Variants in GLRA3 observed in about 807,000 individuals in gnomAD.
GLRA3 encodes glycine receptor alpha 3.
A neutral mutation model predicts 60.4 loss-of-function variants in GLRA3; 44 were observed. The observed-to-expected ratio is 0.73, with a 90% CI of 0.57 to 0.94. The LOEUF is 0.94. Ranked by LOEUF, GLRA3 falls within the 40% of genes least tolerant of loss-of-function variation. GLRA3 has a pLI of 0.00. For missense variants in GLRA3, 508 were observed against 564.6 expected (o/e 0.90, Z 1.02); for synonymous variants, 223 against 192.9 (o/e 1.16, Z -1.29).
At chr4:174,687,319 A>C (rs748037872) in intron 5 of GLRA3, among the ~76,000 whole-genome samples, 5 of 152,178 alleles carry the variant, frequency 3.3e-5, no homozygotes, top group Non-Finnish European at 7.3e-5. Flanking sequence ...ACAATTATTA[A>C]TTTTAGTAAA....
intron 9 of GLRA3, among the ~76,000 whole-genome samples, chr4:174,655,809 G>A (rs886933331): frequency 4.6e-5 from 7 of 151,994 alleles, no homozygotes; most frequent in Non-Finnish European, 8.8e-5. Context: ...AAGGACAATC[G>A]CTGAGTGATT....
At chr4:174,700,823 A>C (rs1400280201) in intron 5 of GLRA3, among the ~76,000 whole-genome samples, 1 of 152,192 alleles carries the variant, frequency 6.6e-6, no homozygotes, top group Non-Finnish European at 1.5e-5. Context: ...CCTAAACCAA[A>C]TCTACAGCAA....
intron 3 of GLRA3, among the ~76,000 whole-genome samples, chr4:174,737,299 C>T (rs963805770): frequency 5.9e-5 from 9 of 152,138 alleles, no homozygotes. Context: ...TAAAGGTTCA[C>T]ACTTCCCTTC....
At chr4:174,714,567 G>A (rs1023519853) in intron 5 of GLRA3, among the ~76,000 whole-genome samples, 3 of 152,024 alleles carry the variant, frequency 2.0e-5, no homozygotes, top group Admixed American at 6.6e-5. Context: ...GTATAGTCAC[G>A]TTGCCCCACA....
At chr4:174,654,498 AT>A (rs1272956947) in intron 9 of GLRA3, among the ~76,000 whole-genome samples, 2 of 152,152 alleles carry the variant, frequency 1.3e-5, no homozygotes, top group Admixed American at 6.6e-5. Flanking sequence ...ATCCATTCCT[AT>A]TTCATTTGCA....
At chr4:174,724,072 A>G (rs1490830594) in intron 4 of GLRA3, among the ~76,000 whole-genome samples, 1 of 150,002 alleles carries the variant, frequency 6.7e-6, no homozygotes, top group Admixed American at 6.7e-5. Flanking sequence ...GTATATATAT[A>G]TGTATATATA....
intron 1 of GLRA3, among the ~76,000 whole-genome samples, chr4:174,790,373 T>C (rs988237916): frequency 6.7e-6 from 1 of 150,006 alleles, no homozygotes; most frequent in African/African-American, 2.5e-5. Context: ...ATCATTATAA[T>C]AATAAATATA....
At chr4:174,803,496 G>A (rs1477502780) in intron 1 of GLRA3, among the ~76,000 whole-genome samples, 1 of 152,134 alleles carries the variant, frequency 6.6e-6, no homozygotes, top group Non-Finnish European at 1.5e-5. Flanking sequence ...CAGATGGCTA[G>A]CCAGGAAGCT....
At chr4:174,782,708 C>G (rs1479913230) in intron 2 of GLRA3, among the ~76,000 whole-genome samples, 1 of 152,140 alleles carries the variant, frequency 6.6e-6, no homozygotes, top group Non-Finnish European at 1.5e-5. Context: ...TGAGTGAAAT[C>G]CCATTCACAA....
At chr4:174,739,102 T>C (rs1736910308) in intron 3 of GLRA3, among the ~76,000 whole-genome samples, 1 of 152,192 alleles carries the variant, frequency 6.6e-6, no homozygotes, top group South Asian at 2.1e-4. Flanking sequence ...TTTGGGATAG[T>C]TTGCTATGCA....
chr4:174,747,514 C>T (rs1053500885), intron 3 of GLRA3, among the ~76,000 whole-genome samples: 7 of 152,096 alleles, frequency 4.6e-5, no homozygotes, highest in African/African-American at 1.4e-4. Flanking sequence ...TTAGAAAGAT[C>T]CAGGGTAGTG....
intron 5 of GLRA3, among the ~76,000 whole-genome samples, chr4:174,706,916 G>C (rs749638606): frequency 2.0e-5 from 3 of 152,170 alleles, no homozygotes; most frequent in Admixed American, 6.5e-5. Flanking sequence ...TGAACAGGTA[G>C]AGCAGGAAGC....
chr4:174,787,752 GA>G (rs1288466367), intron 2 of GLRA3, among the ~76,000 whole-genome samples: 3 of 151,988 alleles, frequency 2.0e-5, no homozygotes, highest in Non-Finnish European at 4.4e-5. Flanking sequence ...TCCTGAAGTT[GA>G]AAATATTTAT....
At chr4:174,721,177 C>T (rs1015589837) in intron 4 of GLRA3, among the ~76,000 whole-genome samples, 12 of 151,880 alleles carry the variant, frequency 7.9e-5, no homozygotes, top group African/African-American at 1.7e-4. Context: ...TACAGGCATG[C>T]GCCACCACGC....
At chr4:174,741,033 T>C (rs1561089038) in intron 3 of GLRA3, among the ~76,000 whole-genome samples, 1 of 152,236 alleles carries the variant, frequency 6.6e-6, no homozygotes, top group African/African-American at 2.4e-5. Flanking sequence ...AATGCTGATG[T>C]ATACACTTGT....
chr4:174,798,942 G>A (rs978426869), intron 1 of GLRA3, among the ~76,000 whole-genome samples: 1 of 151,400 alleles, frequency 6.6e-6, no homozygotes, highest in African/African-American at 2.4e-5. Context: ...AAAAAAAAAA[G>A]ATTTTTAAAA....
chr4:174,772,660 G>T (rs919687435), intron 2 of GLRA3, among the ~76,000 whole-genome samples: 1 of 152,116 alleles, frequency 6.6e-6, no homozygotes, highest in Non-Finnish European at 1.5e-5. Flanking sequence ...AATCATTTCA[G>T]ATCATAGAGT....
intron 9 of GLRA3, among the ~76,000 whole-genome samples, chr4:174,650,563 G>A (rs997618966): frequency 5.3e-5 from 8 of 152,094 alleles, no homozygotes; most frequent in South Asian, 4.1e-4. Context: ...AGAAACAGCC[G>A]CCCAGACCAA....
At chr4:174,713,869 T>C (rs1254336055) in intron 5 of GLRA3, 1 of 152,226 alleles carries the variant, frequency 6.6e-6, no homozygotes, top group Non-Finnish European at 1.5e-5. Flanking sequence ...CCTCTTTGGC[T>C]TTAGACCTAA....
Sources: gnomAD v4.1 joint callset for allele counts (sites outside exome capture counted in the v4.1 genomes callset) on GRCh38, gnomAD v4.1.1 for gene constraint, MANE v1.5 for transcripts, NCBI Gene and HGNC (gene_info 2026-07-23, HGNC 2026-07-21) for gene names.